The following TEX11 variants were observed in gnomAD, a reference collection of about 807,000 sequenced individuals.
TEX11 encodes the protein testis-expressed protein 11.
A neutral mutation model predicts 84.4 loss-of-function variants in TEX11; 7 were observed. The observed-to-expected ratio is 0.08, with a 90% confidence interval of 0.05 to 0.16. TEX11 has a LOEUF of 0.16. Ranked by LOEUF, TEX11 falls within the 10% of genes least tolerant of loss-of-function variation. TEX11 has a pLI of 1.00. For synonymous variants in TEX11, 264 were observed against 222.8 expected (o/e 1.18, Z -1.64); for missense variants, 551 against 660.5 (o/e 0.83, Z 1.82).
rs1210438898 is a variant in TEX11, at chrX:70,792,333, TATATATATATATATATATATATATAC to T, written c.692+14346_692+14371del. On this transcript the variant is annotated intron_variant, in intron 9 of 29. Coordinates refer to ENST00000374333, the MANE Select transcript of TEX11 (RefSeq NM_031276.3). ...AAAAAAAAATATATATATATATATA[TATATATATATATATATATATATATAC>T]ACACACAAATATATATCTGGGATGC... is the stretch of plus-strand genomic sequence containing the variant. Among the ~76,000 whole-genome samples the T allele has an allele frequency of 8.1e-3, 54 of 6,659 alleles. 4 individuals carry two copies. Among genetic ancestry groups the T allele is most frequent in the African/African-American group, 0.052 (47 of 906 alleles). The allele number at this position is 6,659 out of a possible 115,157, so 5.8% of individuals were successfully genotyped here. A position where few individuals can be genotyped will look rare whatever the true frequency, so the allele number is the denominator to read the frequency against.
chrX:70,778,918 G>A (rs2091018900), intron 9 of TEX11, among the ~76,000 whole-genome samples: 1 of 110,740 alleles, frequency 9.0e-6, no homozygotes. Flanking sequence ...ACTTAAAAGG[G>A]AAATTTAAAA....
chrX:70,769,784 T>C (rs2090961370), intron 9 of TEX11, among the ~76,000 whole-genome samples: 1 of 111,547 alleles, frequency 9.0e-6, no homozygotes, highest in African/African-American at 3.2e-5. Flanking sequence ...GAGTTATCTA[T>C]ATTAAATTAT....
chrX:70,711,226 G>A (rs2090429375), intron 13 of TEX11, among the ~76,000 whole-genome samples: 1 of 111,416 alleles, frequency 9.0e-6, no homozygotes, highest in African/African-American at 3.3e-5. Context: ...CTTTGCTATT[G>A]TGAATAGTGC....
intron 4 of TEX11, among the ~76,000 whole-genome samples, chrX:70,863,480 G>A (rs1481149169): frequency 1.8e-5 from 2 of 111,467 alleles, no homozygotes; most frequent in Admixed American, 9.6e-5. Flanking sequence ...TGCAGAAGAG[G>A]GGCCTGACTC....
intron 13 of TEX11, among the ~76,000 whole-genome samples, chrX:70,697,792 C>T (rs1254393459): frequency 3.6e-5 from 4 of 111,149 alleles, no homozygotes; most frequent in Admixed American, 9.6e-5. Flanking sequence ...TTCAGAAAAC[C>T]CCAACAGGTA....
At chrX:70,755,170 T>C (rs775798890) in intron 9 of TEX11, among the ~76,000 whole-genome samples, 91 of 112,408 alleles carry the variant, frequency 8.1e-4, no homozygotes, top group African/African-American at 2.7e-3. Context: ...ACATGTGACC[T>C]TTCAGACAGG....
chrX:70,880,194 T>C, intron 2 of TEX11, 85 bp from the exon 3 acceptor site: 2 of 723,690 alleles, frequency 2.8e-6, no homozygotes, highest in Non-Finnish European at 1.9e-6. Context: ...TATGTCTAAA[T>C]CATTGGCCAA....
intron 12 of TEX11, chrX:70,724,399 G>A (rs2090583883): frequency 7.7e-6 from 1 of 130,139 alleles, no homozygotes; most frequent in South Asian, 3.4e-4. Context: ...ACTAAATTTA[G>A]GGCTACTGCC....
chrX:70,710,066 T>C (rs771819257), intron 13 of TEX11, among the ~76,000 whole-genome samples: 1 of 111,098 alleles, frequency 9.0e-6, no homozygotes, highest in African/African-American at 3.3e-5. Context: ...GTTTATTTGA[T>C]TTAGTATTCT....
chrX:70,839,145 G>T (rs1297319160), intron 7 of TEX11, among the ~76,000 whole-genome samples: 2 of 112,029 alleles, frequency 1.8e-5, no homozygotes, highest in Non-Finnish European at 3.8e-5. Flanking sequence ...AGAGAGTAGT[G>T]GTTCTCCCAG....
intron 28 of TEX11, among the ~76,000 whole-genome samples, chrX:70,539,086 G>A (rs2088005213): frequency 1.1e-5 from 1 of 90,089 alleles, no homozygotes; most frequent in Admixed American, 1.5e-4. Context: ...CCAAGCTGGA[G>A]TGCAGTGGTG....
chrX:70,826,042 G>C (rs868811327), intron 8 of TEX11, among the ~76,000 whole-genome samples: 1 of 109,821 alleles, frequency 9.1e-6, no homozygotes, highest in Admixed American at 9.7e-5. Flanking sequence ...AGTGGCTCAC[G>C]CCTGTAATTC....
intron 28 of TEX11, among the ~76,000 whole-genome samples, chrX:70,545,417 C>CA (rs34499162): frequency 9.0e-6 from 1 of 110,798 alleles, no homozygotes; most frequent in African/African-American, 3.3e-5. Context: ...TAGGCCTACC[C>CA]AGGGCCAGGA....
chrX:70,863,316 C>G (rs1313946328), intron 4 of TEX11, among the ~76,000 whole-genome samples: 2 of 111,629 alleles, frequency 1.8e-5, no homozygotes, highest in Non-Finnish European at 3.8e-5. Context: ...AAACCTCATA[C>G]AGAAAAGCTC....
chrX:70,783,249 G>A, intron 9 of TEX11, among the ~76,000 whole-genome samples: 1 of 111,633 alleles, frequency 9.0e-6, no homozygotes, highest in Non-Finnish European at 1.9e-5. Context: ...ATAACAAAAT[G>A]AAGGCAGAAT....
chrX:70,889,982 A>T (rs1475994543), intron 2 of TEX11, among the ~76,000 whole-genome samples: 1 of 111,382 alleles, frequency 9.0e-6, no homozygotes, highest in Admixed American at 9.6e-5. Flanking sequence ...AAATCAAAAG[A>T]CATAGAGTGG....
At chrX:70,621,573 TATATAA>T (rs1410927357) in intron 20 of TEX11, among the ~76,000 whole-genome samples, 11 of 60,598 alleles carry the variant, frequency 1.8e-4, no homozygotes, top group Non-Finnish European at 2.4e-4. Context: ...TATATATATA[TATATAA>T]ATAAAAATAA....
the TEX11 span, among the ~76,000 whole-genome samples, chrX:70,512,375 C>T: frequency 1.9e-5 from 2 of 107,825 alleles, no homozygotes; most frequent in Non-Finnish European, 3.8e-5. Context: ...CACACCACCA[C>T]ACCCGGCTAA....
chrX:70,732,882 C>A (rs1280496701), intron 11 of TEX11, among the ~76,000 whole-genome samples: 3 of 111,970 alleles, frequency 2.7e-5, no homozygotes, highest in Middle Eastern at 4.6e-3. Context: ...GGAAGCATCA[C>A]GCTACCTGAC....
Sources: allele counts gnomAD v4.1 joint callset (sites outside exome capture counted in the v4.1 genomes callset), GRCh38; gene constraint gnomAD v4.1.1; transcripts MANE v1.5; gene names NCBI Gene and HGNC (gene_info 2026-07-23, HGNC 2026-07-21).